Variants in TIMP3 observed in about 807,000 individuals in gnomAD.
TIMP3 encodes the protein TIMP metallopeptidase inhibitor 3, also known as metalloproteinase inhibitor 3.
A neutral mutation model predicts 30.0 loss-of-function variants in TIMP3; 11 were observed. That is an observed-to-expected ratio of 0.37 (90% confidence interval 0.23 to 0.61). The LOEUF is 0.61. TIMP3 is among the 20% of genes least tolerant of loss of function. TIMP3 has a pLI of 0.70. For synonymous variants in TIMP3, 112 were observed against 111.3 expected (o/e 1.01, Z -0.04); for missense variants, 181 against 276.8 (o/e 0.65, Z 2.45).
At chr22:32,807,332 T>A (rs1271856652) in intron 1 of TIMP3, among the ~76,000 whole-genome samples, 12 of 59,042 alleles carry the variant, frequency 2.0e-4, no homozygotes, top group Admixed American at 1.9e-3. Context: ...AATATATAAT[T>A]TATATATAAT....
At chr22:32,858,769 A>T (rs941875192) in intron 4 of TIMP3, among the ~76,000 whole-genome samples, 38 of 152,110 alleles carry the variant, frequency 2.5e-4, no homozygotes, top group African/African-American at 8.7e-4. Context: ...CCCACAGTTC[A>T]CTGAATCTGG....
intron 1 of TIMP3, among the ~76,000 whole-genome samples, chr22:32,839,804 T>C (rs2047841782): frequency 6.6e-6 from 1 of 152,174 alleles, no homozygotes; most frequent in African/African-American, 2.4e-5. Context: ...TGTTGTGTTC[T>C]TTTGGGTAAT....
At chr22:32,814,313 G>GAAAA (rs774703088) in intron 1 of TIMP3, among the ~76,000 whole-genome samples, 1 of 39,674 alleles carries the variant, frequency 2.5e-5, no homozygotes, top group Admixed American at 3.0e-4. Flanking sequence ...GAGAGAGAGA[G>GAAAA]AGACAGAAAG....
chr22:32,855,661 T>C (rs1048213625), intron 2 of TIMP3, among the ~76,000 whole-genome samples: 8 of 152,182 alleles, frequency 5.3e-5, no homozygotes, highest in Non-Finnish European at 1.2e-4. Flanking sequence ...ACCATTGACA[T>C]TTGGGGCCGG....
chr22:32,810,092 G>A (rs1206788023), intron 1 of TIMP3, among the ~76,000 whole-genome samples: 1 of 152,246 alleles, frequency 6.6e-6, no homozygotes, highest in South Asian at 2.1e-4. Context: ...GGTACACAAA[G>A]TATTGATTCT....
intron 1 of TIMP3, among the ~76,000 whole-genome samples, chr22:32,825,252 G>A (rs1318451217): frequency 6.6e-6 from 1 of 152,176 alleles, no homozygotes; most frequent in African/African-American, 2.4e-5. Context: ...GTGGCCAGCT[G>A]ATGGCTGGCG....
intron 1 of TIMP3, among the ~76,000 whole-genome samples, chr22:32,829,802 G>A (rs1189374056): frequency 6.6e-6 from 1 of 152,238 alleles, no homozygotes; most frequent in Admixed American, 6.5e-5. Context: ...GTTTGTCAGC[G>A]GGCTTCACCA....
At chr22:32,820,239 C>G (rs1422309369) in intron 1 of TIMP3, among the ~76,000 whole-genome samples, 2 of 135,308 alleles carry the variant, frequency 1.5e-5, no homozygotes, top group Non-Finnish European at 3.3e-5. Flanking sequence ...CCTCCTTTCT[C>G]CCCTGTGTGT....
intron 1 of TIMP3, among the ~76,000 whole-genome samples, chr22:32,836,694 G>A (rs1361941467): frequency 1.3e-5 from 2 of 152,178 alleles, no homozygotes; most frequent in Non-Finnish European, 2.9e-5. Context: ...GAGGTGCTGA[G>A]TGAGTAGGGG....
At chr22:32,813,669 T>TG in intron 1 of TIMP3, among the ~76,000 whole-genome samples, 1 of 151,684 alleles carries the variant, frequency 6.6e-6, no homozygotes, top group East Asian at 1.9e-4. Context: ...CCCAATTTTT[T>TG]TTTTTTTGGC....
chr22:32,859,451 G>A lies in TIMP3; in HGVS notation c.*74G>A, dbSNP rs1421013518. The A allele has an allele frequency of 6.6e-7, 1 of 1,520,614 alleles. No individual in the cohort carries two copies. The highest frequency in any genetic ancestry group is 1.4e-5 in the African/African-American group (1 of 72,530). 94.2% of individuals were successfully genotyped at this position (1,520,614 alleles called of 1,614,324 possible). A position where few individuals can be genotyped will look rare whatever the true frequency, so the allele number is the denominator to read the frequency against. On this transcript the variant is annotated 3_prime_UTR_variant, in exon 5 of 5. Transcript: ENST00000266085. ...CCTTGGACACTAACTCTTCCCAGAT[G>A]ATGACAATGAAATTAGTGCCTGTTT...
intron 1 of TIMP3, among the ~76,000 whole-genome samples, chr22:32,817,647 T>C (rs1384666949): frequency 2.0e-5 from 3 of 152,206 alleles, no homozygotes; most frequent in Non-Finnish European, 2.9e-5. Flanking sequence ...ATTTGCCAGA[T>C]TTAAAGTTCC....
chr22:32,853,340 G>A (rs1480585374), intron 2 of TIMP3, among the ~76,000 whole-genome samples: 1 of 152,212 alleles, frequency 6.6e-6, no homozygotes, highest in Non-Finnish European at 1.5e-5. Flanking sequence ...ATAAGAATTT[G>A]TGGGTTTAAA....
intron 1 of TIMP3, among the ~76,000 whole-genome samples, chr22:32,841,508 G>A (rs1181592218): frequency 6.6e-6 from 1 of 152,162 alleles, no homozygotes. Context: ...AGATTAAGAA[G>A]GCCATGAGAG....
intron 1 of TIMP3, among the ~76,000 whole-genome samples, chr22:32,832,552 T>C (rs2146136491): frequency 6.6e-6 from 1 of 152,048 alleles, no homozygotes; most frequent in East Asian, 1.9e-4. Flanking sequence ...TTTTTTTTTT[T>C]TTTCAAAAAA....
At chr22:32,835,809 C>T (rs1286887648) in intron 1 of TIMP3, among the ~76,000 whole-genome samples, 1 of 152,276 alleles carries the variant, frequency 6.6e-6, no homozygotes, top group African/African-American at 2.4e-5. Context: ...CATTGAGAGC[C>T]CTGGGGCCCA....
chr22:32,810,976 TGGG>T (rs930020630), intron 1 of TIMP3, among the ~76,000 whole-genome samples: 1 of 152,012 alleles, frequency 6.6e-6, no homozygotes, highest in Non-Finnish European at 1.5e-5. Flanking sequence ...ATCTCTAAAA[TGGG>T]GGGAAATATA....
At chr22:32,833,830 G>A (rs533318535) in intron 1 of TIMP3, 86 of 501,810 alleles carry the variant, frequency 1.7e-4, no homozygotes, top group Admixed American at 7.2e-4. Context: ...GAAAATCCAC[G>A]GAAAGCATTT....
intron 1 of TIMP3, among the ~76,000 whole-genome samples, chr22:32,836,102 A>T (rs1183115678): frequency 6.6e-6 from 1 of 152,206 alleles, no homozygotes; most frequent in African/African-American, 2.4e-5. Context: ...ACTTCTGACA[A>T]GTTTCTTAAC....
Sources: allele counts gnomAD v4.1 joint callset (sites outside exome capture counted in the v4.1 genomes callset), GRCh38; gene constraint gnomAD v4.1.1; transcripts MANE v1.5; gene names NCBI Gene and HGNC (gene_info 2026-07-23, HGNC 2026-07-21).